TNR: variants seen among roughly 807,000 people sequenced by gnomAD.
The protein encoded by TNR is tenascin-R.
A neutral mutation model predicts 150.4 loss-of-function variants in TNR; 45 were observed. That is an observed-to-expected ratio of 0.30 (90% confidence interval 0.24 to 0.38). The LOEUF is 0.38. Among genes scored for constraint, TNR ranks in the 10% least tolerant of loss-of-function variants. The pLI is 1.00. For synonymous variants in TNR, 687 were observed against 678.4 expected, an observed-to-expected ratio of 1.01 and a Z score of -0.20; for missense variants, 1,544 against 1,759.1, an observed-to-expected ratio of 0.88 and a Z score of 2.19.
chr1:175,552,072 A>C (rs904715152), intron 1 of TNR, among the ~76,000 whole-genome samples: 16 of 152,224 alleles, frequency 1.1e-4, no homozygotes, highest in South Asian at 4.1e-4. Flanking sequence ...GCCCCTGAGG[A>C]ACAGCCCTCA....
At chr1:175,346,529 T>A (rs995361960) in intron 18 of TNR, among the ~76,000 whole-genome samples, 2 of 150,276 alleles carry the variant, frequency 1.3e-5, no homozygotes, top group African/African-American at 4.9e-5. Context: ...AAGAAATATA[T>A]CACTAGGAAG....
chr1:175,617,969 G>A (rs921973840), intron 1 of TNR, among the ~76,000 whole-genome samples: 2 of 152,188 alleles, frequency 1.3e-5, no homozygotes, highest in Non-Finnish European at 2.9e-5. Context: ...ATGAACTCAA[G>A]ACTCTGGACT....
At chr1:175,461,977 A>G (rs1656840225) in intron 2 of TNR, among the ~76,000 whole-genome samples, 1 of 152,192 alleles carries the variant, frequency 6.6e-6, no homozygotes, top group Non-Finnish European at 1.5e-5. Flanking sequence ...GCTACTCTGC[A>G]ACCCTGGTTT....
intron 1 of TNR, among the ~76,000 whole-genome samples, chr1:175,628,174 C>G (rs1664212621): frequency 6.6e-6 from 1 of 152,172 alleles, no homozygotes; most frequent in Non-Finnish European, 1.5e-5. Flanking sequence ...AGACCACACT[C>G]TGAGAAATGT....
At chr1:175,509,165 T>C (rs1571540168) in intron 2 of TNR, among the ~76,000 whole-genome samples, 1 of 152,362 alleles carries the variant, frequency 6.6e-6, no homozygotes, top group African/African-American at 2.4e-5. Context: ...TCTAGTTTTC[T>C]CTTTCTTTCT....
At chr1:175,547,127 T>C (rs1399945805) in intron 1 of TNR, among the ~76,000 whole-genome samples, 1 of 152,242 alleles carries the variant, frequency 6.6e-6, no homozygotes, top group Non-Finnish European at 1.5e-5. Flanking sequence ...AGAGGTCCTC[T>C]GTCTTCAAGT....
chr1:175,395,629 G>A (rs1653393651), intron 5 of TNR, among the ~76,000 whole-genome samples: 1 of 152,196 alleles, frequency 6.6e-6, no homozygotes, highest in Non-Finnish European at 1.5e-5. Flanking sequence ...AGGTTTTGCA[G>A]TAGACTTGGG....
At chr1:175,324,206 T>C (rs1473870741) in intron 22 of TNR, 150 bp downstream of exon 22, 1 of 928,648 alleles carries the variant, frequency 1.1e-6, no homozygotes, top group Non-Finnish European at 1.6e-6. Flanking sequence ...CCTGATCTTA[T>C]CCCATTGTCT....
intron 1 of TNR, among the ~76,000 whole-genome samples, chr1:175,545,706 C>A (rs1490274264): frequency 1.3e-5 from 2 of 152,166 alleles, no homozygotes; most frequent in African/African-American, 4.8e-5. Flanking sequence ...AGCTATGATT[C>A]CCATCAAACA....
chr1:175,643,884 T>C (rs1664737133), intron 1 of TNR, among the ~76,000 whole-genome samples: 1 of 152,178 alleles, frequency 6.6e-6, no homozygotes, highest in Admixed American at 6.5e-5. Context: ...ATTTGATGCA[T>C]CCTGATTGTT....
chr1:175,389,676 G>T lies in TNR; in HGVS notation c.1507+1612C>A, dbSNP rs575574976. Reference sequence around the variant, plus strand: ...AACTTTGATTAAATAAATTTGTTACGCTTTCTCTTGTTAACCTGTCTTTTG... The same window carrying T: ...AACTTTGATTAAATAAATTTGTTACTCTTTCTCTTGTTAACCTGTCTTTTG... On this transcript the variant is annotated intron_variant, in intron 7 of 22. Transcript: ENST00000367674. Among the ~76,000 whole-genome samples the T allele has an allele frequency of 1.3e-4, 20 of 152,272 alleles. No homozygotes were observed. The East Asian group carries it at 1.3e-3, about 10-fold the overall frequency.
In TNR at chr1:175,433,685, T is replaced by C. The variant is rs182738487; in HGVS notation, c.-63-26908A>G. Reference sequence around the variant, plus strand: ...TTCATCAAGCAGACTTTGCTGGCTGTGTTGTATGTACATTCATAAAGTGAT... The same window carrying C: ...TTCATCAAGCAGACTTTGCTGGCTGCGTTGTATGTACATTCATAAAGTGAT... On this transcript the variant is annotated intron_variant, in intron 2 of 22. Transcript: ENST00000367674. 1.0e-2 allele frequency among the ~76,000 whole-genome samples: 1,521 copies of C among 152,328 alleles called. 20 individuals are homozygous for C. The highest frequency in any genetic ancestry group is 0.031 in the African/African-American group (1,302 of 41,584).
At chr1:175,645,986 C>T (rs1204471728) in intron 1 of TNR, among the ~76,000 whole-genome samples, 1 of 152,082 alleles carries the variant, frequency 6.6e-6, no homozygotes, top group East Asian at 1.9e-4. Context: ...GACTAAGGGC[C>T]ACAAGAAAGG....
chr1:175,670,947 G>T (rs900864804), intron 1 of TNR, among the ~76,000 whole-genome samples: 6 of 151,580 alleles, frequency 4.0e-5, no homozygotes, highest in African/African-American at 7.3e-5. Context: ...AGTGCTCTGT[G>T]GGGGGTAGGT....
intron 1 of TNR, among the ~76,000 whole-genome samples, chr1:175,635,521 A>C (rs1558047873): frequency 6.6e-6 from 1 of 152,242 alleles, no homozygotes; most frequent in Non-Finnish European, 1.5e-5. Context: ...GGAGATACGA[A>C]GTAGCAAGGA....
At position 175,406,503 on chromosome 1, in the gene TNR, ATGT is replaced by A; in HGVS notation, c.209_211del (p.Asn70del). On this transcript the variant is annotated inframe_deletion, in exon 3 of 23. Transcript: ENST00000367674. ...GCAGAGGTTGTCCAAGGGCACGTTA[ATGT>A]TGTACACGTGGTTGAAGACCACAGG... The A allele has an allele frequency of 3.1e-6, 5 of 1,614,114 alleles. No homozygotes were observed. The highest frequency in any genetic ancestry group is 4.2e-6 in the Non-Finnish European group (5 of 1,180,022).
intron 2 of TNR, among the ~76,000 whole-genome samples, chr1:175,408,533 G>A (rs542400588): frequency 4.2e-4 from 64 of 152,280 alleles, no homozygotes; most frequent in African/African-American, 1.4e-3. Context: ...ATATGGACAG[G>A]GAGCAGACCA....
chr1:175,596,797 A>C (rs754567405), intron 1 of TNR, among the ~76,000 whole-genome samples: 1 of 152,192 alleles, frequency 6.6e-6, no homozygotes, highest in Non-Finnish European at 1.5e-5. Flanking sequence ...CATAAAGCTC[A>C]GCCTTTTTGA....
intron 9 of TNR, among the ~76,000 whole-genome samples, chr1:175,373,542 G>C (rs1652202014): frequency 6.6e-6 from 1 of 152,174 alleles, no homozygotes; most frequent in African/African-American, 2.4e-5. Context: ...AGTTTCAAGA[G>C]AAGCAGCCAA....
Sources: allele counts gnomAD v4.1 joint callset (sites outside exome capture counted in the v4.1 genomes callset), GRCh38; gene constraint gnomAD v4.1.1; transcripts MANE v1.5; gene names NCBI Gene and HGNC (gene_info 2026-07-23, HGNC 2026-07-21).